ULK2: variants seen among roughly 807,000 people sequenced by gnomAD.
The protein encoded by ULK2 is serine/threonine-protein kinase ULK2.
ULK2 carries 76 observed loss-of-function variants against 127.5 expected under a neutral mutation model. The observed-to-expected ratio is 0.60, with a 90% CI of 0.50 to 0.72. The LOEUF (loss-of-function observed/expected upper bound fraction) is 0.72, where lower values mean the gene tolerates loss of function less well. Ranked by LOEUF, ULK2 falls within the 30% of genes least tolerant of loss-of-function variation. The probability of loss-of-function intolerance (pLI) is 0.00; values close to 1 mark genes in which losing one functional copy is unlikely to be tolerated. For missense variants in ULK2, 1,144 were observed against 1,295.9 expected (o/e 0.88, Z 1.80); for synonymous variants, 452 against 461.9 (o/e 0.98, Z 0.28).
At chr17:19,809,732 CAAAA>C (rs369486144) in intron 14 of ULK2, among the ~76,000 whole-genome samples, 1 of 90,506 alleles carries the variant, frequency 1.1e-5, no homozygotes, top group Non-Finnish European at 2.0e-5. Flanking sequence ...GACTCCGTCT[CAAAA>C]AAAAAAAAAA....
chr17:19,783,870 T>C lies in ULK2; in HGVS notation c.2287A>G (p.Met763Val). 1.3e-6 allele frequency: 2 copies of C among 1,564,212 alleles called. No homozygotes were observed. The highest frequency in any genetic ancestry group is 1.7e-6 in the Non-Finnish European group (2 of 1,155,204). ...GACCCCACGCACACGCGGCCACTCATGGCACAAAGAGAGCCCCCGGAGTTG... is the reference window on the plus strand; with the variant it reads ...GACCCCACGCACACGCGGCCACTCACGGCACAAAGAGAGCCCCCGGAGTTG... ...PSNSGGSLCA[M>V]SGRVCVGSPP... Residue 763 changes from methionine (M) to valine (V), a missense_variant, in exon 22 of 27, where the codon ATG (methionine) becomes GTG (valine). Transcript: ENST00000395544.
chr17:19,814,172 T>C (rs1473976337), intron 13 of ULK2, among the ~76,000 whole-genome samples: 1 of 151,718 alleles, frequency 6.6e-6, no homozygotes, highest in Non-Finnish European at 1.5e-5. Flanking sequence ...ATTTAATAAA[T>C]AGGACATGTG....
At chr17:19,819,779 C>G (rs1157419019) in intron 12 of ULK2, among the ~76,000 whole-genome samples, 1 of 152,202 alleles carries the variant, frequency 6.6e-6, no homozygotes. Context: ...TCTGTGCGCT[C>G]TTTGCCTTTC....
rs573492723 is a variant in ULK2, at chr17:19,780,502, C to T, written c.2886G>A (p.Glu962=). The stretch of plus-strand genomic sequence containing the variant: ...CTACAGCACAATTATAGATGAGTTT[C>T]TCTGCAGTCACACTGTTGATTTCAT... ...FIDEINSVTA[E]KLIYNCAVEM... The change falls in exon 25 of 27, where the codon GAG becomes GAA. Residue 962 remains glutamate, a synonymous_variant. Transcript: ENST00000395544. The T allele has an allele frequency of 3.1e-5, 50 of 1,613,178 alleles. 1 individual carries two copies. The South Asian group carries it at 5.3e-4, about 17-fold the overall frequency.
At chr17:19,857,404 C>A (rs866346439) in intron 3 of ULK2, among the ~76,000 whole-genome samples, 1 of 151,902 alleles carries the variant, frequency 6.6e-6, no homozygotes, top group Non-Finnish European at 1.5e-5. Flanking sequence ...GTCTTTCCAT[C>A]CCTTGGATTG....
chr17:19,833,148 A>C (rs1181024622), intron 10 of ULK2, among the ~76,000 whole-genome samples: 2 of 135,466 alleles, frequency 1.5e-5, no homozygotes, highest in Non-Finnish European at 3.3e-5. Context: ...AAAAAAAAAA[A>C]AACAGAACAA....
intron 10 of ULK2, among the ~76,000 whole-genome samples, chr17:19,827,925 A>T (rs2152393484): frequency 6.6e-6 from 1 of 151,722 alleles, no homozygotes; most frequent in South Asian, 2.1e-4. Flanking sequence ...AAAAAAAAAA[A>T]GCAACTTCCA....
intron 26 of ULK2, among the ~76,000 whole-genome samples, chr17:19,777,294 G>A (rs957040889): frequency 1.3e-5 from 2 of 152,204 alleles, no homozygotes; most frequent in South Asian, 2.1e-4. Flanking sequence ...TAATAAAGAC[G>A]GGGTTTCGCT....
At chr17:19,860,588 G>A (rs375886207) in intron 3 of ULK2, among the ~76,000 whole-genome samples, 1 of 149,296 alleles carries the variant, frequency 6.7e-6, no homozygotes, top group Non-Finnish European at 1.5e-5. Flanking sequence ...GCAATGGCGC[G>A]ATCTCGGCTC....
At chr17:19,820,052 TA>T (rs145856987) in intron 12 of ULK2, among the ~76,000 whole-genome samples, 122,452 of 140,360 alleles carry the variant, frequency 0.87, 53,473 homozygotes, top group Non-Finnish European at 0.94. Flanking sequence ...CAACTTTATT[TA>T]TTTTTTTTTT....
intron 12 of ULK2, among the ~76,000 whole-genome samples, chr17:19,818,110 C>T (rs531500653): frequency 6.6e-6 from 1 of 152,136 alleles, no homozygotes; most frequent in East Asian, 1.9e-4. Context: ...ATCACGAGGT[C>T]AGGAGATCGA....
chr17:19,838,794 G>C (rs1225496772), intron 9 of ULK2, among the ~76,000 whole-genome samples: 1 of 151,866 alleles, frequency 6.6e-6, no homozygotes, highest in African/African-American at 2.4e-5. Flanking sequence ...TTGGGAGGCC[G>C]AGACAGGTGG....
At chr17:19,822,026 A>C (rs1289907446) in intron 12 of ULK2, among the ~76,000 whole-genome samples, 1 of 151,100 alleles carries the variant, frequency 6.6e-6, no homozygotes, top group Non-Finnish European at 1.5e-5. Context: ...AGAAAGTCAC[A>C]AAGTCTTGCT....
At chr17:19,851,914 C>T (rs145325530) in intron 3 of ULK2, among the ~76,000 whole-genome samples, 2,350 of 151,260 alleles carry the variant, frequency 0.016, 69 homozygotes, top group African/African-American at 0.053. Context: ...GGCATGGTGG[C>T]ACATGCCTGT....
At chr17:19,787,179 G>C (rs905780392) in intron 20 of ULK2, among the ~76,000 whole-genome samples, 1 of 152,124 alleles carries the variant, frequency 6.6e-6, no homozygotes, top group African/African-American at 2.4e-5. Context: ...AGTAGAGACA[G>C]GGTTTCATCA....
chr17:19,819,304 C>T (rs1412701702), intron 12 of ULK2, among the ~76,000 whole-genome samples: 1 of 152,188 alleles, frequency 6.6e-6, no homozygotes, highest in Non-Finnish European at 1.5e-5. Flanking sequence ...GACCATTCTT[C>T]TCAACACTCT....
chr17:19,808,715 A>C (rs2087564846), intron 14 of ULK2, among the ~76,000 whole-genome samples: 1 of 152,214 alleles, frequency 6.6e-6, no homozygotes, highest in Non-Finnish European at 1.5e-5. Context: ...GCAAATCAAA[A>C]TCACAATGAG....
Position 19,782,025 on chromosome 17 carries a change from T to A in ULK2, c.2503A>T (p.Met835Leu). The change falls in exon 23 of 27, where the codon ATG (methionine) becomes TTG (leucine). Residue 835 changes from methionine (M) to leucine (L), a missense_variant. By Grantham distance (15) the Met-to-Leu change is conservative (BLOSUM62 2). Transcript: ENST00000395544. Reference sequence around the variant, plus strand: ...AGGTCCAGCACACACTCAGTGAACATCAGCATCACATTCAGATGGCGTAAG... The same window carrying A: ...AGGTCCAGCACACACTCAGTGAACAACAGCATCACATTCAGATGGCGTAAG... ...DTLRHLNVMLMFTECVLDLTA... is the reference protein window; with the variant it reads ...DTLRHLNVMLLFTECVLDLTA... 1 of 1,614,172 alleles carries A rather than the reference T, an allele frequency of 6.2e-7. No individual in the cohort carries two copies. Among genetic ancestry groups the A allele is most frequent in the Non-Finnish European group, 8.5e-7 (1 of 1,180,030 alleles).
chr17:19,853,880 C>T (rs3101813), intron 3 of ULK2, among the ~76,000 whole-genome samples: 5,965 of 152,212 alleles, frequency 0.039, 304 homozygotes, highest in East Asian at 0.24. Context: ...CAAGGCCCCA[C>T]CTTCTAATAA....
Sources: gnomAD v4.1 joint callset for allele counts (sites outside exome capture counted in the v4.1 genomes callset) on GRCh38, gnomAD v4.1.1 for gene constraint, MANE v1.5 for transcripts, NCBI Gene and HGNC (gene_info 2026-07-23, HGNC 2026-07-21) for gene names.